ST8SIA2: variants seen among roughly 807,000 people sequenced by gnomAD.
ST8SIA2 encodes the protein ST8 alpha-N-acetyl-neuraminide alpha-2,8-sialyltransferase 2.
A neutral mutation model predicts 37.6 loss-of-function variants in ST8SIA2; 22 were observed. The observed-to-expected ratio is 0.58, with a 90% CI of 0.42 to 0.83. The LOEUF is 0.83. Ranked by LOEUF, ST8SIA2 falls within the 40% of genes least tolerant of loss-of-function variation. The probability of loss-of-function intolerance (pLI) is 0.00; values close to 1 mark genes in which losing one functional copy is unlikely to be tolerated. For synonymous variants in ST8SIA2, 205 were observed against 201.2 expected (o/e 1.02, Z -0.16); for missense variants, 382 against 484.7 (o/e 0.79, Z 1.99).
At position 92,450,273 on chromosome 15, in the gene ST8SIA2, G is replaced by A. The variant is rs968700131; in HGVS notation, c.842+5344G>A. Among the ~76,000 whole-genome samples the A allele has an allele frequency of 4.6e-5, 7 of 152,106 alleles. No individual in the cohort carries two copies. In the East Asian group the frequency reaches 9.6e-4, roughly 21 times the overall value. On this transcript the variant is annotated intron_variant, in intron 5 of 5. Transcript: ENST00000268164. ...ACAAAAAACCCAAATAACTCAATTC[G>A]AAAATGGGCAAAAGACTTGGAATAG... is the stretch of plus-strand genomic sequence containing the variant.
chr15:92,442,241 CTCT>C (rs972226378), intron 4 of ST8SIA2, among the ~76,000 whole-genome samples: 17 of 152,188 alleles, frequency 1.1e-4, no homozygotes, highest in African/African-American at 3.6e-4. Flanking sequence ...CCCTGCCTGC[CTCT>C]TCTTGTGTCT....
At chr15:92,457,818 C>T (rs1360924539) in intron 5 of ST8SIA2, among the ~76,000 whole-genome samples, 2 of 152,176 alleles carry the variant, frequency 1.3e-5, no homozygotes, top group African/African-American at 2.4e-5. Context: ...GAGGCAGAAT[C>T]GGAAATAAGT....
At chr15:92,463,185 C>G (rs2049968852) in intron 5 of ST8SIA2, among the ~76,000 whole-genome samples, 1 of 152,248 alleles carries the variant, frequency 6.6e-6, no homozygotes, top group Admixed American at 6.5e-5. Flanking sequence ...ATAGTCTCTT[C>G]CTCACTGCAT....
At chr15:92,404,591 G>T (rs1319503450) in intron 1 of ST8SIA2, among the ~76,000 whole-genome samples, 5 of 151,514 alleles carry the variant, frequency 3.3e-5, no homozygotes, top group Non-Finnish European at 7.4e-5. Context: ...GGAGGCCGAG[G>T]TGGGTGGATT....
chr15:92,394,559 G>A (rs2049415573), intron 1 of ST8SIA2, among the ~76,000 whole-genome samples: 1 of 152,180 alleles, frequency 6.6e-6, no homozygotes, highest in African/African-American at 2.4e-5. Flanking sequence ...CTCCAGCACG[G>A]CCGCTTTCTC....
At position 92,464,343 on chromosome 15, in the gene ST8SIA2, G is replaced by A; in HGVS notation, c.1086G>A (p.Gly362=). The A allele has an allele frequency of 6.2e-7, 1 of 1,614,026 alleles. No homozygotes were observed. Among genetic ancestry groups the A allele is most frequent in the Non-Finnish European group, 8.5e-7 (1 of 1,180,020 alleles). The change falls in exon 6 of 6, where the codon GGG becomes GGA. Residue 362 remains glycine (G), a synonymous_variant. Coordinates refer to ENST00000268164, the MANE Select transcript of ST8SIA2 (RefSeq NM_006011.4). ...CCCTCAAGAGCCTACATGAGCAGGGGGCTTTGAAACTGACTGTCGGCCAGT... is the reference window on the plus strand; with the variant it reads ...CCCTCAAGAGCCTACATGAGCAGGGAGCTTTGAAACTGACTGTCGGCCAGT... ...FKALKSLHEQ[G]ALKLTVGQCD...
At chr15:92,456,424 T>G (rs2049920187) in intron 5 of ST8SIA2, among the ~76,000 whole-genome samples, 1 of 152,246 alleles carries the variant, frequency 6.6e-6, no homozygotes, top group African/African-American at 2.4e-5. Context: ...ATATGTGCCA[T>G]GCTAGGATCT....
At chr15:92,443,652 TC>T (rs2049819463) in intron 4 of ST8SIA2, among the ~76,000 whole-genome samples, 1 of 152,016 alleles carries the variant, frequency 6.6e-6, no homozygotes, top group South Asian at 2.1e-4. Flanking sequence ...TCTGCTTGCC[TC>T]CCCAAGCCCA....
intron 1 of ST8SIA2, among the ~76,000 whole-genome samples, chr15:92,399,606 TA>T (rs35021057): frequency 0.086 from 13,141 of 152,152 alleles, 622 homozygotes; most frequent in Middle Eastern, 0.12. Flanking sequence ...CATTTTTTTT[TA>T]AAAAAGCCCA....
intron 1 of ST8SIA2, among the ~76,000 whole-genome samples, chr15:92,407,152 G>A (rs900746122): frequency 2.6e-5 from 4 of 152,030 alleles, no homozygotes; most frequent in Non-Finnish European, 5.9e-5. Context: ...CCCATTTTAC[G>A]GACAAGTAAA....
At chr15:92,407,343 G>A (rs754377191) in intron 1 of ST8SIA2, among the ~76,000 whole-genome samples, 7 of 152,218 alleles carry the variant, frequency 4.6e-5, no homozygotes, top group Non-Finnish European at 8.8e-5. Context: ...GATCTTAACC[G>A]AGGGTTGAAG....
chr15:92,395,165 G>C (rs534601995), intron 1 of ST8SIA2, among the ~76,000 whole-genome samples: 1 of 152,328 alleles, frequency 6.6e-6, no homozygotes, highest in East Asian at 1.9e-4. Context: ...GGGTTCTGAG[G>C]AGGCCCGAGG....
chr15:92,394,459 C>G (rs1340493938), intron 1 of ST8SIA2, among the ~76,000 whole-genome samples: 3 of 152,080 alleles, frequency 2.0e-5, no homozygotes, highest in South Asian at 4.2e-4. Flanking sequence ...CGTGTCCAAG[C>G]GCAGTGTCGC....
At chr15:92,396,481 T>TTTG (rs879911973) in intron 1 of ST8SIA2, among the ~76,000 whole-genome samples, 3 of 150,906 alleles carry the variant, frequency 2.0e-5, no homozygotes, top group African/African-American at 7.3e-5. Context: ...TTTTTTTTTT[T>TTTG]GTCTTTTCTT....
At chr15:92,404,155 C>A (rs1567210146) in intron 1 of ST8SIA2, among the ~76,000 whole-genome samples, 1 of 152,192 alleles carries the variant, frequency 6.6e-6, no homozygotes, top group African/African-American at 2.4e-5. Flanking sequence ...TGGGGCCTTA[C>A]GTTTATCTGT....
intron 1 of ST8SIA2, among the ~76,000 whole-genome samples, chr15:92,397,305 G>A (rs1158121377): frequency 2.0e-5 from 3 of 152,028 alleles, no homozygotes. Context: ...TTAATGTGGT[G>A]GTCTCAGAGG....
intron 1 of ST8SIA2, among the ~76,000 whole-genome samples, chr15:92,405,714 A>G (rs543730005): frequency 6.6e-6 from 1 of 152,356 alleles, no homozygotes; most frequent in African/African-American, 2.4e-5. Context: ...AGAATTAGAA[A>G]AATACAAATC....
intron 1 of ST8SIA2, among the ~76,000 whole-genome samples, chr15:92,407,502 G>A (rs2049517154): frequency 6.6e-6 from 1 of 152,178 alleles, no homozygotes; most frequent in South Asian, 2.1e-4. Context: ...GCTTGGCTGG[G>A]ATGCGATCTT....
rs2049989246 is a variant in ST8SIA2, at chr15:92,465,964, A to C, written c.*1579A>C. 6.6e-6 allele frequency: 1 copy of C among 152,204 alleles called. No homozygotes were observed. Among genetic ancestry groups the C allele is most frequent in the African/African-American group, 2.4e-5 (1 of 41,442 alleles). The allele number at this position is 152,204 out of a possible 1,614,324, so 9.4% of individuals were successfully genotyped here. ...AACATATTTGAAAGGTAAGTAAAAAACTACCATCTTGAAGGTGAAGGGAGT... is the reference window on the plus strand; with the variant it reads ...AACATATTTGAAAGGTAAGTAAAAACCTACCATCTTGAAGGTGAAGGGAGT... On this transcript the variant is annotated 3_prime_UTR_variant, in exon 6 of 6. Coordinates refer to ENST00000268164, the MANE Select transcript of ST8SIA2 (RefSeq NM_006011.4).
Sources: gnomAD v4.1 joint callset for allele counts (sites outside exome capture counted in the v4.1 genomes callset) on GRCh38, gnomAD v4.1.1 for gene constraint, MANE v1.5 for transcripts, NCBI Gene and HGNC (gene_info 2026-07-23, HGNC 2026-07-21) for gene names.